Variants in SRP19 observed in about 807,000 individuals in gnomAD.
SRP19 encodes signal recognition particle 19 kDa protein.
A neutral mutation model predicts 22.4 loss-of-function variants in SRP19; 11 were observed. That is an observed-to-expected ratio of 0.49 (90% CI 0.31 to 0.81). The LOEUF (loss-of-function observed/expected upper bound fraction) is 0.81. Among genes scored for constraint, SRP19 ranks in the 40% least tolerant of loss-of-function variants. SRP19 has a pLI of 0.05. For synonymous variants in SRP19, 61 were observed against 57.6 expected, an observed-to-expected ratio of 1.06 and a Z score of -0.27; for missense variants, 168 against 175.9, an observed-to-expected ratio of 0.96 and a Z score of 0.25.
chr5:112,861,502 G>A (rs1767397458), intron 1 of SRP19, 85 bp downstream of exon 1: 1 of 1,479,014 alleles, frequency 6.8e-7, no homozygotes, highest in Non-Finnish European at 9.2e-7. Context: ...CCGCTCCGCG[G>A]CCTCCAGAAT....
chr5:112,898,286 T>C (rs1316661474), exon 4 of SRP19: 1 of 152,222 alleles, frequency 6.6e-6, no homozygotes, highest in East Asian at 1.9e-4. Flanking sequence ...GAAAGTATTT[T>C]GATTGACAGC....
At chr5:112,870,903 T>C (rs530420455), downstream of SRP19, among the ~76,000 whole-genome samples, 15 of 152,244 alleles carry the variant, frequency 9.9e-5, no homozygotes, top group African/African-American at 3.6e-4. Flanking sequence ...CCCAGGCTGG[T>C]GTGCAGCGGT....
At chr5:112,877,758 G>C (rs1767942229) in intron 4 of SRP19, 1 of 152,086 alleles carries the variant, frequency 6.6e-6, no homozygotes, top group Non-Finnish European at 1.5e-5. Flanking sequence ...ATACAAACAA[G>C]AACATACATG....
chr5:112,875,327 C>A (rs1246130999), intron 4 of SRP19, among the ~76,000 whole-genome samples: 1 of 151,706 alleles, frequency 6.6e-6, no homozygotes, highest in South Asian at 2.1e-4. Context: ...GGTGACCGTG[C>A]GGACCAGCGC....
chr5:112,864,921 G>A (rs1179669131), intron 4 of SRP19, 189 bp downstream of exon 4: 1 of 418,498 alleles, frequency 2.4e-6, no homozygotes. Flanking sequence ...CTTTGAAAAT[G>A]TAATGAGACC....
chr5:112,870,314 GTC>G (rs1489172988), downstream of SRP19, among the ~76,000 whole-genome samples: 5 of 151,978 alleles, frequency 3.3e-5, no homozygotes, highest in African/African-American at 1.2e-4. Flanking sequence ...TAGTGAGACT[GTC>G]TCTACAAAAA....
At chr5:112,890,831 A>G (rs538045136) in intron 4 of SRP19, among the ~76,000 whole-genome samples, 2 of 150,924 alleles carry the variant, frequency 1.3e-5, no homozygotes, top group Admixed American at 1.3e-4. Flanking sequence ...AACCTTATAC[A>G]AGTTACTTAA....
intron 4 of SRP19, chr5:112,886,984 C>T (rs376613004): frequency 7.2e-6 from 11 of 1,529,634 alleles, no homozygotes; most frequent in Non-Finnish European, 9.8e-6. Flanking sequence ...TCTCCTCTCA[C>T]ATGTGGGGCC....
At chr5:112,886,240 G>A (rs556127997) in intron 4 of SRP19, among the ~76,000 whole-genome samples, 16 of 152,302 alleles carry the variant, frequency 1.1e-4, no homozygotes, top group East Asian at 5.8e-4. Flanking sequence ...CTGTTTAAAC[G>A]TCATAGATAA....
downstream of SRP19, among the ~76,000 whole-genome samples, chr5:112,870,217 T>C (rs1166232519): frequency 6.6e-6 from 1 of 152,152 alleles, no homozygotes; most frequent in Non-Finnish European, 1.5e-5. Context: ...TCAGGTACAG[T>C]GGCTCACACC....
intron 4 of SRP19, among the ~76,000 whole-genome samples, chr5:112,887,640 A>T (rs1768300589): frequency 6.6e-6 from 1 of 152,204 alleles, no homozygotes; most frequent in South Asian, 2.1e-4. Context: ...TGGAAAAAAT[A>T]CCTTGTCCAT....
At chr5:112,896,992 T>C (rs1768699852), downstream of SRP19, 1 of 152,186 alleles carries the variant, frequency 6.6e-6, no homozygotes, top group Admixed American at 6.5e-5. Flanking sequence ...ACAAAGATAT[T>C]AATTGCAGCA....
At chr5:112,887,726 A>G (rs1241311478) in intron 4 of SRP19, among the ~76,000 whole-genome samples, 1 of 152,092 alleles carries the variant, frequency 6.6e-6, no homozygotes, top group African/African-American at 2.4e-5. Context: ...GTTGTTCTTC[A>G]TCTTTCATCT....
At chr5:112,865,502 A>G (rs1314957460) in intron 4 of SRP19, among the ~76,000 whole-genome samples, 3 of 152,202 alleles carry the variant, frequency 2.0e-5, no homozygotes, top group East Asian at 1.9e-4. Context: ...AAACAGAGCT[A>G]TTAATTTTTT....
At chr5:112,870,315 T>C (rs560095310), downstream of SRP19, among the ~76,000 whole-genome samples, 9 of 152,042 alleles carry the variant, frequency 5.9e-5, no homozygotes, top group African/African-American at 1.9e-4. Context: ...AGTGAGACTG[T>C]CTCTACAAAA....
chr5:112,875,432 C>G (rs114467045), intron 4 of SRP19, among the ~76,000 whole-genome samples: 1 of 151,576 alleles, frequency 6.6e-6, no homozygotes, highest in Non-Finnish European at 1.5e-5. Flanking sequence ...GCACTGGCAC[C>G]GTCTTGGCTC....
downstream of SRP19, among the ~76,000 whole-genome samples, chr5:112,870,563 A>G (rs576341879): frequency 6.6e-6 from 1 of 152,168 alleles, no homozygotes; most frequent in Non-Finnish European, 1.5e-5. Context: ...TTTTGGGGCA[A>G]TAAGGATTGT....
chr5:112,897,228 A>C (rs1455115839), downstream of SRP19: 1 of 152,114 alleles, frequency 6.6e-6, no homozygotes, highest in East Asian at 1.9e-4. Context: ...ACACATACAC[A>C]CAGAGTTCTG....
intron 4 of SRP19, among the ~76,000 whole-genome samples, chr5:112,890,483 C>T (rs1768405867): frequency 6.7e-6 from 1 of 150,338 alleles, no homozygotes; most frequent in Non-Finnish European, 1.5e-5. Flanking sequence ...ATTCTCCCGC[C>T]TCAGCCCCCC....
Sources: gnomAD v4.1 joint callset for allele counts (sites outside exome capture counted in the v4.1 genomes callset) on GRCh38, gnomAD v4.1.1 for gene constraint, MANE v1.5 for transcripts, NCBI Gene and HGNC (gene_info 2026-07-23, HGNC 2026-07-21) for gene names.